BBX: variants seen among roughly 807,000 people sequenced by gnomAD.
BBX encodes the protein HMG box transcription factor BBX.
A neutral mutation model predicts 100.2 loss-of-function variants in BBX; 30 were observed. That is an observed-to-expected ratio of 0.30 (90% confidence interval 0.22 to 0.41). BBX has a LOEUF of 0.41. Ranked by LOEUF, BBX falls within the 10% of genes least tolerant of loss-of-function variation. BBX has a pLI of 1.00. For missense variants in BBX, 1,023 were observed against 1,129.8 expected (o/e 0.91, Z 1.35); for synonymous variants, 376 against 388.1 (o/e 0.97, Z 0.37).
At chr3:107,680,179 C>G (rs1364242092) in intron 3 of BBX, among the ~76,000 whole-genome samples, 1 of 152,120 alleles carries the variant, frequency 6.6e-6, no homozygotes, top group East Asian at 1.9e-4. Flanking sequence ...TCCTTACTGG[C>G]CACATGGGGC....
rs754530867 is a variant in BBX, at chr3:107,805,387, C to T, written c.2756C>T (p.Pro919Leu). The change falls in exon 18 of 18, where the codon CCG (proline) becomes CTG (leucine). Residue 919 changes from proline to leucine, a missense_variant. By Grantham distance (98) the Pro-to-Leu change is moderately conservative. Around this residue, in one of 9 missense-constraint regions of BBX, gnomAD observed 104 missense variants for 132.2 expected, o/e 0.79. Coordinates refer to ENST00000325805, the MANE Select transcript of BBX (RefSeq NM_001142568.3). ...ENVHRGQRST[P>L]LTHDGQPKEM... ...TTTTACAGAGGTCAGAGGTCAACTCCGCTCACCCATGATGGACAGCCAAAA... is the reference window on the plus strand; with the variant it reads ...TTTTACAGAGGTCAGAGGTCAACTCTGCTCACCCATGATGGACAGCCAAAA... 6.2e-6 allele frequency: 10 copies of T among 1,613,688 alleles called. No homozygotes were observed. In the East Asian group the frequency reaches 6.7e-5, roughly 11 times the overall value.
intron 2 of BBX, among the ~76,000 whole-genome samples, chr3:107,565,061 C>T (rs991405981): frequency 6.6e-6 from 1 of 151,960 alleles, no homozygotes; most frequent in African/African-American, 2.4e-5. Context: ...TGGGTTTATT[C>T]TCAGATACTT....
At chr3:107,531,371 C>T (rs888277966) in intron 2 of BBX, among the ~76,000 whole-genome samples, 7 of 152,126 alleles carry the variant, frequency 4.6e-5, no homozygotes, top group Non-Finnish European at 1.0e-4. Flanking sequence ...GAGCATGTTA[C>T]CTCACATCCC....
chr3:107,560,264 G>T (rs533314543), intron 2 of BBX, among the ~76,000 whole-genome samples: 5 of 151,408 alleles, frequency 3.3e-5, no homozygotes, highest in Middle Eastern at 3.5e-3. Context: ...TGTCTTCTCA[G>T]TTCCTCCTAG....
rs147829800 is a variant in BBX at position 107,744,853 on chromosome 3, A to G, written c.750+143A>G. On this transcript the variant is annotated intron_variant, in intron 8 of 17. Coordinates refer to ENST00000325805, the MANE Select transcript of BBX (RefSeq NM_001142568.3). ...AAAATAGAATCAAATTTTGGAAAAG[A>G]TATTTTGGGTCTCTAGAGTTCTTAA... 1.8e-3 allele frequency: 1,176 copies of G among 654,024 alleles called. 9 individuals carry two copies. In the African/African-American group the frequency reaches 0.019, roughly 11 times the overall value. The allele number at this position is 654,024 out of a possible 1,614,324, so 40.5% of individuals were successfully genotyped here.
chr3:107,687,466 G>A (rs1457437044), intron 3 of BBX, among the ~76,000 whole-genome samples: 1 of 152,042 alleles, frequency 6.6e-6, no homozygotes, highest in Non-Finnish European at 1.5e-5. Flanking sequence ...GGGGAATGCA[G>A]GACAGCCTGG....
At chr3:107,747,166 C>T (rs1285355884) in intron 8 of BBX, among the ~76,000 whole-genome samples, 1 of 152,004 alleles carries the variant, frequency 6.6e-6, no homozygotes, top group African/African-American at 2.4e-5. Context: ...ACAAAAGGTC[C>T]CCTAGTTGAA....
chr3:107,757,176 T>C (rs1468447990), intron 10 of BBX, among the ~76,000 whole-genome samples: 1 of 152,116 alleles, frequency 6.6e-6, no homozygotes, highest in Non-Finnish European at 1.5e-5. Flanking sequence ...GCTTTCAATG[T>C]ATGATATTTA....
intron 10 of BBX, among the ~76,000 whole-genome samples, chr3:107,756,287 A>G (rs2065470390): frequency 6.6e-6 from 1 of 152,140 alleles, no homozygotes; most frequent in South Asian, 2.1e-4. Context: ...GGGCAAGGCA[A>G]TGGCTTTCTC....
intron 2 of BBX, among the ~76,000 whole-genome samples, chr3:107,562,229 C>T (rs779988661): frequency 1.1e-4 from 17 of 152,116 alleles, no homozygotes; most frequent in African/African-American, 3.6e-4. Context: ...CCCTTATGAG[C>T]GTGAACCCAT....
At chr3:107,590,820 A>G (rs529151554) in intron 2 of BBX, among the ~76,000 whole-genome samples, 10 of 152,328 alleles carry the variant, frequency 6.6e-5, no homozygotes, top group African/African-American at 2.4e-4. Context: ...TTCAACAGCT[A>G]TAGCAGTGGG....
At position 107,762,290 on chromosome 3, in the gene BBX, G is replaced by A. The variant is rs145533787; in HGVS notation, c.906+6612G>A. Among the ~76,000 whole-genome samples the A allele has an allele frequency of 4.1e-3, 620 of 152,308 alleles. 6 individuals carry two copies. The highest frequency in any genetic ancestry group is 0.037 in the Middle Eastern group (11 of 294). ...AAACAGTACCATTTCTGAGGAAATG[G>A]TGAGTAAAGAAAAATATTTAAATCA... On this transcript the variant is annotated intron_variant, in intron 10 of 17. Coordinates refer to ENST00000325805, the MANE Select transcript of BBX (RefSeq NM_001142568.3).
At chr3:107,563,918 C>T (rs929943392) in intron 2 of BBX, among the ~76,000 whole-genome samples, 1 of 152,162 alleles carries the variant, frequency 6.6e-6, no homozygotes, top group Admixed American at 6.5e-5. Flanking sequence ...CCATATCCAC[C>T]AACTCCCCAA....
At chr3:107,533,323 C>T (rs530192828) in intron 2 of BBX, among the ~76,000 whole-genome samples, 1 of 152,226 alleles carries the variant, frequency 6.6e-6, no homozygotes, top group African/African-American at 2.4e-5. Context: ...CCACTTAACC[C>T]AATGAAAAAT....
chr3:107,776,742 G>A (rs2067350395), intron 12 of BBX, among the ~76,000 whole-genome samples: 1 of 152,090 alleles, frequency 6.6e-6, no homozygotes, highest in Non-Finnish European at 1.5e-5. Flanking sequence ...TTTAAGAAAA[G>A]TCTCAAGAGA....
At chr3:107,554,890 G>A (rs2049973864) in intron 2 of BBX, among the ~76,000 whole-genome samples, 2 of 152,066 alleles carry the variant, frequency 1.3e-5, no homozygotes, top group African/African-American at 4.8e-5. Flanking sequence ...CCAACATGGA[G>A]AAACCCCATC....
In BBX at chr3:107,608,883, T is replaced by C. The variant is rs573294460; in HGVS notation, c.-83-36953T>C. Among the ~76,000 whole-genome samples the C allele has an allele frequency of 3.3e-5, 5 of 152,360 alleles. No individual in the cohort carries two copies. The East Asian group carries it at 9.6e-4, about 29-fold the overall frequency. Reference sequence around the variant, plus strand: ...TCAGATTGTTCGCATATAGAAATGCTACTGATTTTAGTACACTGATCTTGT... The same window carrying C: ...TCAGATTGTTCGCATATAGAAATGCCACTGATTTTAGTACACTGATCTTGT... On this transcript the variant is annotated intron_variant, in intron 2 of 17. Coordinates refer to ENST00000325805, the MANE Select transcript of BBX (RefSeq NM_001142568.3).
At chr3:107,759,571 G>T (rs560830513) in intron 10 of BBX, among the ~76,000 whole-genome samples, 1 of 152,228 alleles carries the variant, frequency 6.6e-6, no homozygotes, top group South Asian at 2.1e-4. Flanking sequence ...TTTCAGCAAA[G>T]AAAAATTCTA....
chr3:107,715,813 C>G (rs2062060696), intron 4 of BBX, among the ~76,000 whole-genome samples: 1 of 152,152 alleles, frequency 6.6e-6, no homozygotes, highest in African/African-American at 2.4e-5. Context: ...TGTAGAAGTC[C>G]TCGAAGACCT....
Sources: allele counts gnomAD v4.1 joint callset (sites outside exome capture counted in the v4.1 genomes callset), GRCh38; gene constraint gnomAD v4.1.1; regional missense constraint gnomAD v4.1.1; transcripts MANE v1.5; gene names NCBI Gene and HGNC (gene_info 2026-07-23, HGNC 2026-07-21).